TNFRSF8: variants seen among roughly 807,000 people sequenced by gnomAD.
TNFRSF8 encodes the protein TNF receptor superfamily member 8, also known as tumor necrosis factor receptor superfamily member 8.
A neutral mutation model predicts 70.8 loss-of-function variants in TNFRSF8; 26 were observed. The ratio of observed to expected loss-of-function variants is 0.37; its 90% CI spans 0.27 to 0.51. The LOEUF (loss-of-function observed/expected upper bound fraction) is 0.51. TNFRSF8 is among the 20% of genes least tolerant of loss of function. The pLI is 0.94. For missense variants in TNFRSF8, 720 were observed against 807.9 expected (o/e 0.89, Z 1.32); for synonymous variants, 356 against 339.2 (o/e 1.05, Z -0.54).
In TNFRSF8 at chr1:12,110,123, C is replaced by A; in HGVS notation, c.595C>A (p.Arg199Ser). The A allele has an allele frequency of 6.2e-7, 1 of 1,613,740 alleles. No homozygotes were observed. The highest frequency in any genetic ancestry group is 1.7e-5 in the Admixed American group (1 of 59,956). The change falls in exon 6 of 15, where the codon CGC (arginine) becomes AGC (serine). Residue 199 changes from arginine (R) to serine (S), a missense_variant. Arg to Ser is a moderately radical substitution (Grantham distance 110, BLOSUM62 -1). Transcript: ENST00000263932. This position sits in a 1 kb window ranked among gnomAD's most constrained non-coding sequence, Gnocchi z 4.0. ...ASTMPVRGGTRLAQEAASKLT... is the reference protein window; with the variant it reads ...ASTMPVRGGTSLAQEAASKLT... ...CACCATGCCTGTAAGAGGGGGCACC[C>A]GCCTCGCCCAGGAAGCTGCTTCTAA...
rs566332174 is a variant in TNFRSF8 at position 12,109,704 on chromosome 1, G to A, written c.512+48G>A. ...TCCTCTTCCCCCAAGCTGGCTTTCA[G>A]ATGAGGCTGCCCCACCCCACAGGAC... On this transcript the variant is annotated intron_variant, in intron 5 of 14. Coordinates refer to ENST00000263932, the MANE Select transcript of TNFRSF8 (RefSeq NM_001243.5). The surrounding 1 kb of genome is among the most constrained non-coding windows in gnomAD (Gnocchi z 4.4). The A allele has an allele frequency of 2.4e-5, 37 of 1,531,556 alleles. 1 individual carries two copies. In the South Asian group the frequency reaches 4.1e-4, roughly 17 times the overall value. 94.9% of individuals were successfully genotyped at this position (1,531,556 alleles called of 1,614,324 possible). A position where few individuals can be genotyped will look rare whatever the true frequency, so the allele number is the denominator to read the frequency against.
Position 12,109,484 on chromosome 1 carries a change from G to T in TNFRSF8, c.422-82G>T, listed in dbSNP as rs1641585951. 1.7e-6 allele frequency: 2 copies of T among 1,180,068 alleles called. No homozygotes were observed. The highest frequency in any genetic ancestry group is 2.5e-6 in the Non-Finnish European group (2 of 812,638). The allele number at this position is 1,180,068 out of a possible 1,614,324, so 73.1% of individuals were successfully genotyped here. On this transcript the variant is annotated intron_variant, in intron 4 of 14. Transcript: ENST00000263932. This position sits in a 1 kb window ranked among gnomAD's most constrained non-coding sequence, Gnocchi z 4.4. ...TTCCAAGGGCCCCATCTCCGACTCT[G>T]GCCTGTGGTAGTGAAGGGTGTATTC...
In TNFRSF8 at chr1:12,109,303, T is replaced by C. The variant is rs907336771; in HGVS notation, c.422-263T>C. On this transcript the variant is annotated intron_variant, in intron 4 of 14. Coordinates refer to ENST00000263932, the MANE Select transcript of TNFRSF8 (RefSeq NM_001243.5). This position sits in a 1 kb window ranked among gnomAD's most constrained non-coding sequence, Gnocchi z 4.4. Reference sequence around the variant, plus strand: ...ACGGATTGATTGGTCCAGCCTGGTCTCATGGCCACTCGGGAAAGGGGGTTC... The same window carrying C: ...ACGGATTGATTGGTCCAGCCTGGTCCCATGGCCACTCGGGAAAGGGGGTTC... Among the ~76,000 whole-genome samples the C allele has an allele frequency of 1.3e-5, 2 of 152,334 alleles. No homozygotes were observed. Among genetic ancestry groups the C allele is most frequent in the African/African-American group, 4.8e-5 (2 of 41,580 alleles).
At position 12,143,356 on chromosome 1, in the gene TNFRSF8, GCTTTA is replaced by G. The variant is rs1488526866; in HGVS notation, c.*830_*834del. The G allele has an allele frequency of 6.6e-6, 1 of 152,224 alleles. No homozygotes were observed. The highest frequency in any genetic ancestry group is 1.5e-5 in the Non-Finnish European group (1 of 68,066). The allele number at this position is 152,224 out of a possible 1,614,324, so 9.4% of individuals were successfully genotyped here. ...CGCCCCTCACCAACCCAGAGAACCT[GCTTTA>G]CTTTGCCCAGGGACTTCCTCCCCAT... On this transcript the variant is annotated 3_prime_UTR_variant, in exon 15 of 15. Transcript: ENST00000263932. The surrounding 1 kb of genome is among the most constrained non-coding windows in gnomAD (Gnocchi z 4.1).
chr1:12,115,483 T>G (rs1464872125), intron 7 of TNFRSF8, 94 bp from the exon 8 acceptor site: 42 of 1,385,412 alleles, frequency 3.0e-5, no homozygotes, highest in Non-Finnish European at 3.9e-5. Flanking sequence ...GGATGACCCT[T>G]GGACAACTGC....
chr1:12,068,260 A>G (rs1039453798), intron 1 of TNFRSF8, among the ~76,000 whole-genome samples: 4 of 152,142 alleles, frequency 2.6e-5, no homozygotes, highest in African/African-American at 7.2e-5. Flanking sequence ...TGGCAATGAC[A>G]GTAGATCAGC....
At position 12,078,803 on chromosome 1, in the gene TNFRSF8, C is replaced by T. The variant is rs949383294; in HGVS notation, c.64-5661C>T. On this transcript the variant is annotated intron_variant, in intron 1 of 14. Transcript: ENST00000263932. ...AGTTGTTGGCTATTAGAATTACTTTCGCTATGGAAAGCAAACCGTTCCAGC... is the reference window on the plus strand; with the variant it reads ...AGTTGTTGGCTATTAGAATTACTTTTGCTATGGAAAGCAAACCGTTCCAGC... Among the ~76,000 whole-genome samples the T allele has an allele frequency of 2.6e-5, 4 of 152,210 alleles. No homozygotes were observed. In the East Asian group the frequency reaches 5.8e-4, roughly 22 times the overall value.
At chr1:12,096,443 A>C (rs1557585412) in intron 2 of TNFRSF8, among the ~76,000 whole-genome samples, 1 of 149,558 alleles carries the variant, frequency 6.7e-6, no homozygotes, top group African/African-American at 2.5e-5. Context: ...AAAAAAAAAA[A>C]ATCACACACA....
chr1:12,094,978 T>C (rs963518644), intron 2 of TNFRSF8, among the ~76,000 whole-genome samples: 3 of 152,070 alleles, frequency 2.0e-5, no homozygotes, highest in African/African-American at 7.2e-5. Flanking sequence ...GCAGAGGTGC[T>C]TACCCTGGGG....
At chr1:12,097,345 G>T in intron 3 of TNFRSF8, 128 bp downstream of exon 3, 1 of 645,546 alleles carries the variant, frequency 1.5e-6, no homozygotes. Context: ...TGTCCTCCTG[G>T]TGCCTCAGTT....
Position 12,108,074 on chromosome 1 carries a change from A to ATTTTTTTT in TNFRSF8, c.422-1485_422-1484insTTTTTTTT, listed in dbSNP as rs199941905. Among the ~76,000 whole-genome samples the ATTTTTTTT allele has an allele frequency of 2.9e-4, 42 of 146,106 alleles. No individual in the cohort carries two copies. The highest frequency in any genetic ancestry group is 4.4e-4 in the South Asian group (2 of 4,534). ...CGAAGTCCCACACATACAGGCCACC[A>ATTTTTTTT]TTTTTTTATTTTTTTTTTTTTTGTG... is the stretch of plus-strand genomic sequence containing the variant. On this transcript the variant is annotated intron_variant, in intron 4 of 14. Coordinates refer to ENST00000263932, the MANE Select transcript of TNFRSF8 (RefSeq NM_001243.5). The surrounding 1 kb of genome is among the most constrained non-coding windows in gnomAD (Gnocchi z 4.0).
At chr1:12,103,170 C>T (rs1329878746) in intron 3 of TNFRSF8, among the ~76,000 whole-genome samples, 1 of 151,966 alleles carries the variant, frequency 6.6e-6, no homozygotes, top group African/African-American at 2.4e-5. Flanking sequence ...TTGAGACCAT[C>T]CTGGCCAACG....
chr1:12,078,668 C>T (rs974639272), intron 1 of TNFRSF8, among the ~76,000 whole-genome samples: 2 of 152,162 alleles, frequency 1.3e-5, no homozygotes, highest in Non-Finnish European at 2.9e-5. Context: ...CAGAAGCTGG[C>T]GGATCAGAGC....
At chr1:12,139,261 G>A (rs773662247) in intron 14 of TNFRSF8, among the ~76,000 whole-genome samples, 21 of 152,056 alleles carry the variant, frequency 1.4e-4, no homozygotes, top group South Asian at 2.1e-4. Flanking sequence ...GTAGCTCCCC[G>A]ACCAGACTCA....
At chr1:12,137,754 G>C (rs1642174689) in intron 13 of TNFRSF8, among the ~76,000 whole-genome samples, 1 of 152,042 alleles carries the variant, frequency 6.6e-6, no homozygotes, top group South Asian at 2.1e-4. Context: ...TGCTCCAGGA[G>C]GTGGGGGACC....
chr1:12,129,915 A>G (rs1314798507), intron 12 of TNFRSF8, among the ~76,000 whole-genome samples: 2 of 151,780 alleles, frequency 1.3e-5, no homozygotes, highest in Non-Finnish European at 2.9e-5. Flanking sequence ...TTATTTGTTT[A>G]TTTTTTTGAG....
In TNFRSF8 at chr1:12,063,790, G is replaced by C; in HGVS notation, c.63+129G>C. On this transcript the variant is annotated intron_variant, in intron 1 of 14. Transcript: ENST00000263932. The surrounding 1 kb of genome is among the most constrained non-coding windows in gnomAD (Gnocchi z 7.2). ...CCAGCTGGAGTGAGGGGGCGCGGGT[G>C]ACAAGCAGGAACACCGGAATATGCT... 3 of 884,458 alleles carry C rather than the reference G, an allele frequency of 3.4e-6. No individual in the cohort carries two copies. The highest frequency in any genetic ancestry group is 4.5e-6 in the Non-Finnish European group (3 of 668,076). 54.8% of individuals were successfully genotyped at this position (884,458 alleles called of 1,614,324 possible). A position where few individuals can be genotyped will look rare whatever the true frequency, so the allele number is the denominator to read the frequency against.
At chr1:12,078,577 CAAAA>C (rs1000395528) in intron 1 of TNFRSF8, among the ~76,000 whole-genome samples, 4 of 151,846 alleles carry the variant, frequency 2.6e-5, no homozygotes, top group Admixed American at 2.6e-4. Flanking sequence ...AAAACAAAAA[CAAAA>C]AAACCCTCAG....
chr1:12,079,667 C>G (rs895125971), intron 1 of TNFRSF8, among the ~76,000 whole-genome samples: 4 of 152,206 alleles, frequency 2.6e-5, no homozygotes, highest in African/African-American at 9.6e-5. Context: ...AAATGGGGCC[C>G]TAAGTCCTCT....
Sources: gnomAD v4.1 joint callset for allele counts (sites outside exome capture counted in the v4.1 genomes callset) on GRCh38, gnomAD v4.1.1 for gene constraint, Gnocchi (gnomAD v3.1) non-coding constraint, MANE v1.5 for transcripts, NCBI Gene and HGNC (gene_info 2026-07-23, HGNC 2026-07-21) for gene names.